The following TMEM232 variants were observed in gnomAD, a reference collection of about 807,000 sequenced individuals.
TMEM232 encodes the protein transmembrane protein 232.
Under a neutral mutation model 78.8 loss-of-function variants are expected in TMEM232, and 80 were observed. The observed-to-expected ratio is 1.01, with a 90% CI of 0.85 to 1.22. The LOEUF (loss-of-function observed/expected upper bound fraction) is 1.22, where lower values mean the gene tolerates loss of function less well. TMEM232 is among the 50% of genes most tolerant of loss of function. The pLI is 0.00. For missense variants in TMEM232, 881 were observed against 742.2 expected (o/e 1.19, Z -2.17); for synonymous variants, 297 against 254.3 (o/e 1.17, Z -1.60).
In TMEM232 at chr5:110,525,829, G is replaced by C. The variant is rs369868386; in HGVS notation, c.1703+2759C>G. Among the ~76,000 whole-genome samples the C allele has an allele frequency of 5.8e-4, 88 of 150,658 alleles. 1 individual carries two copies. The South Asian group carries it at 0.017, about 29-fold the overall frequency. On this transcript the variant is annotated intron_variant, in intron 12 of 13. Coordinates refer to ENST00000455884, the MANE Select transcript of TMEM232 (RefSeq NM_001039763.4). The stretch of plus-strand genomic sequence containing the variant: ...AAATGTATTATACAGTCCAAATATA[G>C]GCTTATGGTTAGAATAGCTTAGAAT...
chr5:110,611,308 T>C (rs1782241773), intron 8 of TMEM232, among the ~76,000 whole-genome samples: 1 of 152,176 alleles, frequency 6.6e-6, no homozygotes, highest in South Asian at 2.1e-4. Context: ...AAATTTACCT[T>C]GCCATTGCCT....
intron 11 of TMEM232, among the ~76,000 whole-genome samples, chr5:110,567,904 C>T (rs1776524302): frequency 6.6e-6 from 1 of 151,918 alleles, no homozygotes; most frequent in Non-Finnish European, 1.5e-5. Context: ...CCCCTTGCCC[C>T]TCCTATTTGA....
intron 13 of TMEM232, among the ~76,000 whole-genome samples, chr5:110,422,253 C>A (rs551920169): frequency 6.6e-6 from 1 of 151,964 alleles, no homozygotes; most frequent in Admixed American, 6.6e-5. Flanking sequence ...TAGGCTCAAA[C>A]GCCTGTAATC....
chr5:110,400,695 T>C (rs1369487807), intron 2 of TMEM232, among the ~76,000 whole-genome samples: 1 of 152,044 alleles, frequency 6.6e-6, no homozygotes, highest in African/African-American at 2.4e-5. Context: ...CATGTAGAAT[T>C]AATAAAATAT....
At chr5:110,430,706 T>C (rs1481917416) in intron 12 of TMEM232, among the ~76,000 whole-genome samples, 2 of 151,756 alleles carry the variant, frequency 1.3e-5, no homozygotes, top group African/African-American at 4.8e-5. Flanking sequence ...ATTATAAACA[T>C]TTGAATAAAT....
At chr5:110,510,275 C>G (rs1470275717) in intron 12 of TMEM232, among the ~76,000 whole-genome samples, 4 of 152,200 alleles carry the variant, frequency 2.6e-5, no homozygotes, top group Non-Finnish European at 5.9e-5. Flanking sequence ...TGTCCAAAGC[C>G]AAACCCACAA....
chr5:110,417,849 G>C (rs1756305197), downstream of TMEM232: 2 of 152,060 alleles, frequency 1.3e-5, no homozygotes, highest in Non-Finnish European at 2.9e-5. Flanking sequence ...TTCAGGATGA[G>C]AGGGAAGAAA....
chr5:110,555,688 G>C (rs1261062562), intron 11 of TMEM232, among the ~76,000 whole-genome samples: 1 of 152,088 alleles, frequency 6.6e-6, no homozygotes, highest in Non-Finnish European at 1.5e-5. Context: ...AAGAGTGTTG[G>C]GTAAATAGGT....
intron 12 of TMEM232, among the ~76,000 whole-genome samples, chr5:110,484,219 T>C (rs537716650): frequency 3.9e-5 from 6 of 152,200 alleles, no homozygotes; most frequent in African/African-American, 1.4e-4. Context: ...ACTACCCAAA[T>C]GACAGAATCG....
chr5:110,443,149 T>A (rs1467785889), intron 12 of TMEM232, among the ~76,000 whole-genome samples: 1 of 152,062 alleles, frequency 6.6e-6, no homozygotes, highest in East Asian at 1.9e-4. Context: ...GTCAGCCAGG[T>A]TTGTGTCCTT....
intron 10 of TMEM232, among the ~76,000 whole-genome samples, chr5:110,574,870 G>T (rs1777395608): frequency 6.6e-6 from 1 of 152,002 alleles, no homozygotes; most frequent in Admixed American, 6.6e-5. Context: ...TGAGTAAAAT[G>T]ACCTTGCTGA....
intron 1 of TMEM232, among the ~76,000 whole-genome samples, chr5:110,682,393 A>C (rs1231881289): frequency 2.0e-5 from 3 of 152,114 alleles, no homozygotes; most frequent in African/African-American, 4.8e-5. Flanking sequence ...GTTAAAAAAA[A>C]AACAACAATT....
chr5:110,538,196 C>G (rs1441658654), intron 11 of TMEM232, among the ~76,000 whole-genome samples: 2 of 152,156 alleles, frequency 1.3e-5, no homozygotes. Flanking sequence ...TGGAGGAAGT[C>G]TTTACAAAAT....
chr5:110,397,365 G>A (rs1373246955), intron 3 of TMEM232, among the ~76,000 whole-genome samples: 3 of 152,150 alleles, frequency 2.0e-5, no homozygotes, highest in Non-Finnish European at 2.9e-5. Flanking sequence ...ATTTAATAGA[G>A]AATGAAGGAA....
Position 110,439,024 on chromosome 5 carries a change from T to A in TMEM232, c.1704-14108A>T, listed in dbSNP as rs1354287212. Among the ~76,000 whole-genome samples, 4 of 152,166 alleles carry A rather than the reference T, an allele frequency of 2.6e-5. 1 individual carries two copies. The South Asian group carries it at 8.3e-4, about 31-fold the overall frequency. On this transcript the variant is annotated intron_variant, in intron 12 of 13. Transcript: ENST00000455884. ...AGATATTTTTATCTCAATTGAATAA[T>A]TCTGATTTTCTGTTTTGGAGGACTG...
intron 1 of TMEM232, among the ~76,000 whole-genome samples, chr5:110,696,041 G>A (rs1170914436): frequency 6.6e-6 from 1 of 152,166 alleles, no homozygotes; most frequent in Non-Finnish European, 1.5e-5. Context: ...GAACATTGAT[G>A]CAAAAATCCT....
intron 2 of TMEM232, among the ~76,000 whole-genome samples, chr5:110,650,143 CTT>C (rs1375324184): frequency 6.6e-6 from 1 of 151,762 alleles, no homozygotes; most frequent in African/African-American, 2.4e-5. Context: ...TAATATTTAT[CTT>C]TGTTCATTGT....
At chr5:110,586,620 AT>A (rs1351792926) in intron 10 of TMEM232, among the ~76,000 whole-genome samples, 1 of 151,036 alleles carries the variant, frequency 6.6e-6, no homozygotes, top group African/African-American at 2.4e-5. Flanking sequence ...GTATCTCAAG[AT>A]TTTTTTTTAC....
At chr5:110,677,454 T>A (rs1792167982) in intron 1 of TMEM232, among the ~76,000 whole-genome samples, 1 of 152,230 alleles carries the variant, frequency 6.6e-6, no homozygotes. Context: ...TCTAAGTTGT[T>A]GTAATTTGTT....
Sources: allele counts gnomAD v4.1 joint callset (sites outside exome capture counted in the v4.1 genomes callset), GRCh38; gene constraint gnomAD v4.1.1; transcripts MANE v1.5; gene names NCBI Gene and HGNC (gene_info 2026-07-23, HGNC 2026-07-21).